The following AK9 variants were observed in gnomAD, a reference collection of about 807,000 sequenced individuals.
The protein encoded by AK9 is adenylate kinase 9.
Under a neutral mutation model 239.6 loss-of-function variants are expected in AK9, and 191 were observed. The observed-to-expected ratio is 0.80, with a 90% confidence interval of 0.71 to 0.90. The LOEUF (loss-of-function observed/expected upper bound fraction) is 0.90. Among genes scored for constraint, AK9 ranks in the 40% least tolerant of loss-of-function variants. AK9 has a pLI of 0.00. For missense variants in AK9, 1,995 were observed against 2,214.7 expected (o/e 0.90, Z 1.99); for synonymous variants, 689 against 721.0 (o/e 0.96, Z 0.71).
intron 17 of AK9, among the ~76,000 whole-genome samples, chr6:109,598,338 C>T (rs1260548139): frequency 6.6e-6 from 1 of 151,628 alleles, no homozygotes; most frequent in East Asian, 1.9e-4. Flanking sequence ...GTTTTTTGTC[C>T]TTGCAATAGT....
rs566123927 is a variant in AK9 at position 109,576,802 on chromosome 6, A to G, written c.2191+2748T>C. ...TGCTTTTAGCTTTTCCCCTTTCAGT[A>G]TAATGTTGGCTGTGGGTTTGTCATA... On this transcript the variant is annotated intron_variant, in intron 20 of 40. Transcript: ENST00000424296. 6.0e-5 allele frequency among the ~76,000 whole-genome samples: 9 copies of G among 150,658 alleles called. No homozygotes were observed. The South Asian group carries it at 1.5e-3, about 25-fold the overall frequency.
intron 12 of AK9, among the ~76,000 whole-genome samples, chr6:109,621,912 A>AAAAAAAAAAAAAAAGAAAGAGAAATT (rs1794880041): frequency 2.7e-5 from 1 of 37,644 alleles, no homozygotes; most frequent in Non-Finnish European, 6.4e-5. Context: ...AAAAAAAAAA[A>AAAAAAAAAAAAAAAGAAAGAGAAATT]CAAAAAAAAA....
chr6:109,652,907 TG>T lies in AK9; in HGVS notation c.759+3848del, dbSNP rs1799170263. On this transcript the variant is annotated intron_variant, in intron 8 of 40. Coordinates refer to ENST00000424296, the MANE Select transcript of AK9 (RefSeq NM_001145128.3). ...GGTATATCCTGATATATTGGATATA[TG>T]GGCCAGATTTGTAAAAGTAGGTGTT... Among the ~76,000 whole-genome samples, 4 of 152,200 alleles carry T rather than the reference TG, an allele frequency of 2.6e-5. No individual in the cohort carries two copies. The South Asian group carries it at 8.3e-4, about 32-fold the overall frequency.
intron 2 of AK9, among the ~76,000 whole-genome samples, chr6:109,675,112 T>C (rs1771515955): frequency 1.3e-5 from 2 of 152,162 alleles, no homozygotes; most frequent in Non-Finnish European, 2.9e-5. Flanking sequence ...CAGGAGAACC[T>C]CCTGGCTCAT....
chr6:109,669,422 T>C (rs1801750544), intron 5 of AK9, among the ~76,000 whole-genome samples: 1 of 151,998 alleles, frequency 6.6e-6, no homozygotes, highest in South Asian at 2.1e-4. Flanking sequence ...CTTCCAACAC[T>C]ATGTTGAATA....
At position 109,659,329 on chromosome 6, in the gene AK9, C is replaced by A. The variant is rs199827977; in HGVS notation, c.529G>T (p.Asp177Tyr). ...TGYIYSRDQW[D>Y]PEVIENHRKK... ...CTATGATTCTCAATGACTTCAGGAT[C>A]CCACTGGTCTCTACTGTATATGTAT... The change falls in exon 7 of 41, where the codon GAT becomes TAT. Residue 177 changes from aspartate (D) to tyrosine (Y), a missense_variant. Asp to Tyr is a radical substitution (Grantham distance 160, BLOSUM62 -3). This residue lies in a region of AK9 where 252 missense variants were observed against 246.4 expected (regional missense o/e 1.02). Coordinates refer to ENST00000424296, the MANE Select transcript of AK9 (RefSeq NM_001145128.3). 277 of 1,609,048 alleles carry A rather than the reference C, an allele frequency of 1.7e-4. 1 individual carries two copies. The East Asian group carries it at 5.7e-3, about 33-fold the overall frequency.
At chr6:109,563,560 T>C in intron 24 of AK9, 37 bp downstream of exon 24, 1 of 1,545,638 alleles carries the variant, frequency 6.5e-7, no homozygotes, top group Non-Finnish European at 8.7e-7. Context: ...TTCAATGACT[T>C]CACAAATGAG....
chr6:109,592,047 T>C (rs1371472567), intron 17 of AK9, among the ~76,000 whole-genome samples: 1 of 152,168 alleles, frequency 6.6e-6, no homozygotes, highest in African/African-American at 2.4e-5. Context: ...TTCAGAAAAA[T>C]TGGATTCATG....
intron 13 of AK9, among the ~76,000 whole-genome samples, chr6:109,616,935 C>T (rs1794254301): frequency 2.0e-5 from 3 of 152,002 alleles, no homozygotes; most frequent in African/African-American, 7.2e-5. Flanking sequence ...TCCATCAGAA[C>T]TAGAAAGTAA....
intron 29 of AK9, chr6:109,528,081 G>C (rs991136714): frequency 4.7e-5 from 8 of 171,696 alleles, no homozygotes; most frequent in African/African-American, 1.9e-4. Context: ...CCAGGCACTG[G>C]AGAGCAGTGA....
chr6:109,602,439 A>T (rs1275493836), intron 17 of AK9, among the ~76,000 whole-genome samples: 1 of 152,180 alleles, frequency 6.6e-6, no homozygotes, highest in African/African-American at 2.4e-5. Context: ...CTGCCGAGAG[A>T]TCCGCTGTTA....
At position 109,580,404 on chromosome 6, in the gene AK9, T is replaced by C. The variant is rs953738953; in HGVS notation, c.2115-778A>G. 4.6e-5 allele frequency among the ~76,000 whole-genome samples: 7 copies of C among 152,116 alleles called. No individual in the cohort carries two copies. The South Asian group carries it at 6.2e-4, about 14-fold the overall frequency. On this transcript the variant is annotated intron_variant, in intron 19 of 40. Transcript: ENST00000424296. ...AAAATGTTTGATCTAGAAATCTATA[T>C]CTAGGAATTTAGCCCTCAGAAACAG... is the stretch of plus-strand genomic sequence containing the variant.
chr6:109,577,377 T>G (rs1342293999), intron 20 of AK9, among the ~76,000 whole-genome samples: 1 of 152,186 alleles, frequency 6.6e-6, no homozygotes, highest in Non-Finnish European at 1.5e-5. Flanking sequence ...GACATGCTAT[T>G]GAATTTAGTT....
intron 20 of AK9, among the ~76,000 whole-genome samples, chr6:109,576,559 T>A (rs1303495696): frequency 6.6e-6 from 1 of 151,896 alleles, no homozygotes; most frequent in Non-Finnish European, 1.5e-5. Context: ...CTGAATTCAT[T>A]TATCAGATCT....
intron 40 of AK9, 123 bp downstream of exon 40, chr6:109,493,858 C>T (rs1776767736): frequency 2.6e-6 from 2 of 759,478 alleles, no homozygotes; most frequent in Non-Finnish European, 4.2e-6. Context: ...ATTGTATTTG[C>T]TACTAACACT....
chr6:109,681,270 A>G (rs1346423101), intron 1 of AK9, among the ~76,000 whole-genome samples: 1 of 152,236 alleles, frequency 6.6e-6, no homozygotes, highest in Non-Finnish European at 1.5e-5. Context: ...AGCAAATGGA[A>G]AGCAAAAAAG....
intron 12 of AK9, among the ~76,000 whole-genome samples, chr6:109,630,996 AAAAAGT>A (rs1443976924): frequency 7.9e-5 from 12 of 152,346 alleles, no homozygotes; most frequent in African/African-American, 2.9e-4. Context: ...TCTATATGGG[AAAAAGT>A]AAAACTTACC....
rs191187117 is a variant in AK9, at chr6:109,525,025, C to A, written c.3633+3986G>T. Among the ~76,000 whole-genome samples the A allele has an allele frequency of 1.3e-4, 20 of 152,236 alleles. No homozygotes were observed. In the East Asian group the frequency reaches 3.7e-3, roughly 28 times the overall value. On this transcript the variant is annotated intron_variant, in intron 29 of 40. Coordinates refer to ENST00000424296, the MANE Select transcript of AK9 (RefSeq NM_001145128.3). ...CAGGTCTTACATTTAAATCTTTAAT[C>A]CATTTTGATTTTTGTATATGGTAAA...
At chr6:109,533,150 T>C (rs1453182297) in intron 28 of AK9, 101 bp downstream of exon 28, 1 of 855,948 alleles carries the variant, frequency 1.2e-6, no homozygotes, top group Non-Finnish European at 1.7e-6. Context: ...TACTGTGGTA[T>C]TAAAATTAGA....
Sources: allele counts gnomAD v4.1 joint callset (sites outside exome capture counted in the v4.1 genomes callset), GRCh38; gene constraint gnomAD v4.1.1; regional missense constraint gnomAD v4.1.1; transcripts MANE v1.5; gene names NCBI Gene and HGNC (gene_info 2026-07-23, HGNC 2026-07-21).